The following AGBL4 variants were observed in gnomAD, a reference collection of about 807,000 sequenced individuals.
AGBL4 encodes the protein AGBL carboxypeptidase 4.
A neutral mutation model predicts 66.4 loss-of-function variants in AGBL4; 58 were observed. The observed-to-expected ratio is 0.87, with a 90% CI of 0.71 to 1.09. The LOEUF is 1.09. Among genes scored for constraint, AGBL4 ranks in the 50% least tolerant of loss-of-function variants. The pLI, the probability that AGBL4 is intolerant of heterozygous loss-of-function variation, is 0.00. For missense variants in AGBL4, 579 were observed against 631.0 expected (o/e 0.92, Z 0.88); for synonymous variants, 234 against 222.9 (o/e 1.05, Z -0.44).
intron 5 of AGBL4, among the ~76,000 whole-genome samples, chr1:48,956,683 A>G (rs1420570212): frequency 1.3e-5 from 2 of 152,198 alleles, no homozygotes; most frequent in South Asian, 2.1e-4. Flanking sequence ...TTACTCAACT[A>G]ACTCTGATTT....
At chr1:48,969,664 C>A (rs779193176) in intron 5 of AGBL4, among the ~76,000 whole-genome samples, 1 of 151,942 alleles carries the variant, frequency 6.6e-6, no homozygotes. Context: ...GGAAAATATA[C>A]CCTTCCTTTG....
intron 5 of AGBL4, among the ~76,000 whole-genome samples, chr1:48,914,845 C>G (rs1362550561): frequency 6.6e-6 from 1 of 152,168 alleles, no homozygotes; most frequent in East Asian, 1.9e-4. Flanking sequence ...AGGAAGAGTT[C>G]AGGGTTTCTC....
At chr1:49,605,992 G>A (rs1393603658) in intron 3 of AGBL4, among the ~76,000 whole-genome samples, 1 of 152,094 alleles carries the variant, frequency 6.6e-6, no homozygotes, top group Non-Finnish European at 1.5e-5. Flanking sequence ...TACCTCTGCT[G>A]ATTCAATTAG....
At chr1:49,287,167 A>G (rs1275605543) in intron 3 of AGBL4, among the ~76,000 whole-genome samples, 1 of 136,262 alleles carries the variant, frequency 7.3e-6, no homozygotes, top group Non-Finnish European at 1.6e-5. Context: ...CATATGTAGA[A>G]AGCTGAAACT....
intron 4 of AGBL4, among the ~76,000 whole-genome samples, chr1:49,207,189 C>T (rs568219920): frequency 6.6e-6 from 1 of 152,170 alleles, no homozygotes; most frequent in Admixed American, 6.5e-5. Flanking sequence ...GATGATGATC[C>T]TGTCATTGGA....
chr1:49,735,304 T>C (rs992209779), intron 2 of AGBL4, among the ~76,000 whole-genome samples: 1 of 149,204 alleles, frequency 6.7e-6, no homozygotes, highest in African/African-American at 2.5e-5. Flanking sequence ...TGGGTGTGTG[T>C]GTGTGTGTGT....
chr1:48,564,968 T>C (rs1644453355), intron 11 of AGBL4, among the ~76,000 whole-genome samples: 1 of 152,240 alleles, frequency 6.6e-6, no homozygotes, highest in Non-Finnish European at 1.5e-5. Context: ...TCTGGCTCCC[T>C]GTTCAGGGGA....
chr1:49,530,401 A>T (rs893405626), intron 3 of AGBL4, among the ~76,000 whole-genome samples: 10 of 151,570 alleles, frequency 6.6e-5, no homozygotes, highest in Non-Finnish European at 1.3e-4. Context: ...TTAACTCTTC[A>T]TTTAACATTA....
intron 3 of AGBL4, among the ~76,000 whole-genome samples, chr1:49,572,282 C>T (rs959161765): frequency 3.3e-5 from 5 of 152,170 alleles, no homozygotes; most frequent in African/African-American, 1.2e-4. Context: ...TTGCATTCTT[C>T]TATTTTAATC....
chr1:49,590,914 G>A (rs1045628257), intron 3 of AGBL4, among the ~76,000 whole-genome samples: 4 of 151,982 alleles, frequency 2.6e-5, no homozygotes, highest in Non-Finnish European at 4.4e-5. Context: ...AATAACCCAT[G>A]AGTCAAAGTG....
At chr1:49,082,150 A>G (rs980520138) in intron 4 of AGBL4, among the ~76,000 whole-genome samples, 8 of 152,232 alleles carry the variant, frequency 5.3e-5, no homozygotes, top group African/African-American at 1.9e-4. Context: ...CACTATATGT[A>G]CTTAGAAGTA....
chr1:49,695,869 C>A (rs1394846843), intron 3 of AGBL4, among the ~76,000 whole-genome samples: 1 of 152,020 alleles, frequency 6.6e-6, no homozygotes, highest in Admixed American at 6.6e-5. Context: ...TGTATTTGCA[C>A]CCCCTTTTTG....
intron 6 of AGBL4, among the ~76,000 whole-genome samples, chr1:48,681,420 G>A (rs1258446222): frequency 6.6e-6 from 1 of 152,172 alleles, no homozygotes; most frequent in Non-Finnish European, 1.5e-5. Context: ...TTGGCCCAGA[G>A]ATACTGAGCA....
At chr1:48,601,588 T>C (rs1287882698) in intron 9 of AGBL4, among the ~76,000 whole-genome samples, 1 of 152,236 alleles carries the variant, frequency 6.6e-6, no homozygotes, top group East Asian at 1.9e-4. Context: ...TTGTTCAATA[T>C]GAAATCTATT....
chr1:49,334,424 C>T (rs1357319039), intron 3 of AGBL4, among the ~76,000 whole-genome samples: 1 of 152,134 alleles, frequency 6.6e-6, no homozygotes, highest in African/African-American at 2.4e-5. Flanking sequence ...AGAAATCATA[C>T]TCAAAGATTT....
intron 5 of AGBL4, among the ~76,000 whole-genome samples, chr1:48,898,608 G>T (rs948588035): frequency 2.0e-5 from 3 of 151,894 alleles, no homozygotes; most frequent in Non-Finnish European, 4.4e-5. Context: ...AGATGAGTTG[G>T]TATATCCGGA....
At chr1:48,523,717 C>T in the AGBL4 span, among the ~76,000 whole-genome samples, 1 of 56,058 alleles carries the variant, frequency 1.8e-5, no homozygotes, top group African/African-American at 7.9e-5. Context: ...GCTCTTTAGG[C>T]CAGAGCAATG....
Position 49,420,890 on chromosome 1 carries a change from C to T in AGBL4, c.283-175026G>A, listed in dbSNP as rs1322177543. On this transcript the variant is annotated intron_variant, in intron 3 of 13. Coordinates refer to ENST00000371839, the MANE Select transcript of AGBL4 (RefSeq NM_032785.4). Reference sequence around the variant, plus strand: ...TAATGAGGTGCATAAGACAGCTATTCCTTACTTTAAGGAGTTCTCAGGCTT... The same window carrying T: ...TAATGAGGTGCATAAGACAGCTATTTCTTACTTTAAGGAGTTCTCAGGCTT... 2.0e-5 allele frequency among the ~76,000 whole-genome samples: 3 copies of T among 152,064 alleles called. No homozygotes were observed. The East Asian group carries it at 5.8e-4, about 29-fold the overall frequency.
chr1:49,051,309 C>T (rs1444815601), intron 4 of AGBL4, among the ~76,000 whole-genome samples: 1 of 148,798 alleles, frequency 6.7e-6, no homozygotes, highest in African/African-American at 2.6e-5. Context: ...TTCTGAATCT[C>T]AATAGCTTGC....
Sources: gnomAD v4.1 joint callset for allele counts (sites outside exome capture counted in the v4.1 genomes callset) on GRCh38, gnomAD v4.1.1 for gene constraint, MANE v1.5 for transcripts, NCBI Gene and HGNC (gene_info 2026-07-23, HGNC 2026-07-21) for gene names.